The following ATXN1 variants were observed in gnomAD, a reference collection of about 807,000 sequenced individuals.
ATXN1 encodes the protein ataxin-1.
ATXN1 carries 8 observed loss-of-function variants against 56.4 expected under a neutral mutation model. The ratio of observed to expected loss-of-function variants is 0.14; its 90% CI spans 0.08 to 0.26. The LOEUF (loss-of-function observed/expected upper bound fraction) is 0.26, where lower values mean the gene tolerates loss of function less well. Among genes scored for constraint, ATXN1 ranks in the 10% least tolerant of loss-of-function variants. The pLI is 1.00. For synonymous variants in ATXN1, 514 were observed against 494.6 expected, an observed-to-expected ratio of 1.04 and a Z score of -0.52; for missense variants, 987 against 1,106.5, an observed-to-expected ratio of 0.89 and a Z score of 1.53.
chr6:16,317,604 T>C (rs1318569097), intron 7 of ATXN1, among the ~76,000 whole-genome samples: 2 of 152,106 alleles, frequency 1.3e-5, no homozygotes, highest in African/African-American at 4.8e-5. Context: ...GGATTACAGG[T>C]GTGAGCCACC....
chr6:16,572,048 T>C (rs1029216146), intron 4 of ATXN1, among the ~76,000 whole-genome samples: 1 of 152,178 alleles, frequency 6.6e-6, no homozygotes, highest in Admixed American at 6.5e-5. Flanking sequence ...CCATGGCCGG[T>C]TCCTATTCCA....
chr6:16,740,585 T>G (rs1760305111), intron 2 of ATXN1, among the ~76,000 whole-genome samples: 1 of 152,208 alleles, frequency 6.6e-6, no homozygotes, highest in African/African-American at 2.4e-5. Flanking sequence ...GAAATACACC[T>G]CAAAAAGCTC....
At chr6:16,439,575 C>T (rs1224383815) in intron 6 of ATXN1, among the ~76,000 whole-genome samples, 3 of 151,694 alleles carry the variant, frequency 2.0e-5, no homozygotes, top group Non-Finnish European at 4.4e-5. Context: ...GGAAAAGATA[C>T]GTGTATTAAT....
intron 2 of ATXN1, among the ~76,000 whole-genome samples, chr6:16,726,580 C>T (rs1320221629): frequency 6.6e-6 from 1 of 151,880 alleles, no homozygotes; most frequent in Non-Finnish European, 1.5e-5. Flanking sequence ...AGAATAATTT[C>T]TTGGCCGGGC....
intron 2 of ATXN1, among the ~76,000 whole-genome samples, chr6:16,742,655 A>G (rs1269714435): frequency 4.6e-5 from 7 of 152,186 alleles, no homozygotes; most frequent in Non-Finnish European, 4.4e-5. Context: ...AGGCGTCCTC[A>G]CCTACCACCA....
At position 16,344,220 on chromosome 6, in the gene ATXN1, C is replaced by T. The variant is rs1023576783; in HGVS notation, c.-160-15750G>A. On this transcript the variant is annotated intron_variant, in intron 6 of 7. Transcript: ENST00000436367. Reference sequence around the variant, plus strand: ...TCTCATCCACACACCGTTCAGGAACCGTTTCCTCGACTATCCTCCAAGGCT... The same window carrying T: ...TCTCATCCACACACCGTTCAGGAACTGTTTCCTCGACTATCCTCCAAGGCT... Among the ~76,000 whole-genome samples, 11 of 152,180 alleles carry T rather than the reference C, an allele frequency of 7.2e-5. No homozygotes were observed. In the East Asian group the frequency reaches 9.6e-4, roughly 13 times the overall value.
intron 2 of ATXN1, chr6:16,738,423 A>G (rs1561830851): frequency 6.6e-6 from 1 of 152,124 alleles, no homozygotes. Flanking sequence ...AATTGGAAGC[A>G]ACTCAGGGAG....
At chr6:16,726,856 C>T (rs1013597528) in intron 2 of ATXN1, among the ~76,000 whole-genome samples, 2 of 151,854 alleles carry the variant, frequency 1.3e-5, no homozygotes, top group Admixed American at 6.6e-5. Context: ...GAAACTTCAT[C>T]TCAAAAAAAA....
intron 3 of ATXN1, among the ~76,000 whole-genome samples, chr6:16,637,402 G>A (rs1054061619): frequency 2.0e-5 from 3 of 151,576 alleles, no homozygotes; most frequent in Non-Finnish European, 4.4e-5. Context: ...TGTAAATGAT[G>A]AGTTAATGGG....
intron 7 of ATXN1, among the ~76,000 whole-genome samples, chr6:16,324,641 G>C (rs772079777): frequency 1.3e-5 from 2 of 152,158 alleles, no homozygotes; most frequent in African/African-American, 4.8e-5. Context: ...AAGTACGCTC[G>C]ATAGCCAGGA....
At chr6:16,654,938 CT>C (rs1325034861) in intron 3 of ATXN1, among the ~76,000 whole-genome samples, 1 of 152,132 alleles carries the variant, frequency 6.6e-6, no homozygotes, top group East Asian at 1.9e-4. Flanking sequence ...AAAAAAAATG[CT>C]GTTATGAAAC....
At chr6:16,447,722 C>T (rs892568405) in intron 6 of ATXN1, among the ~76,000 whole-genome samples, 1 of 152,124 alleles carries the variant, frequency 6.6e-6, no homozygotes, top group Admixed American at 6.5e-5. Flanking sequence ...ACTTAGTAAG[C>T]ATTACTAAAA....
At chr6:16,536,629 G>A (rs992845198) in intron 4 of ATXN1, among the ~76,000 whole-genome samples, 7 of 152,156 alleles carry the variant, frequency 4.6e-5, no homozygotes, top group African/African-American at 1.7e-4. Flanking sequence ...TTAGGCTTCT[G>A]ATTTCTCCTT....
intron 2 of ATXN1, chr6:16,667,578 A>T (rs1758453309): frequency 6.6e-6 from 1 of 152,212 alleles, no homozygotes; most frequent in African/African-American, 2.4e-5. Context: ...TGGTCTGTAA[A>T]CAAAATTCAA....
intron 3 of ATXN1, among the ~76,000 whole-genome samples, chr6:16,617,386 T>C (rs1394528344): frequency 6.6e-6 from 1 of 151,276 alleles, no homozygotes; most frequent in Non-Finnish European, 1.5e-5. Flanking sequence ...TATGTACACA[T>C]GAAAGAATAA....
intron 3 of ATXN1, among the ~76,000 whole-genome samples, chr6:16,587,803 C>T (rs1304258093): frequency 3.3e-5 from 5 of 151,598 alleles, no homozygotes; most frequent in Non-Finnish European, 7.4e-5. Context: ...TGGTGGTGGG[C>T]GCCTGTAATC....
intron 6 of ATXN1, among the ~76,000 whole-genome samples, chr6:16,443,076 G>A (rs1759551115): frequency 6.6e-6 from 1 of 151,932 alleles, no homozygotes; most frequent in South Asian, 2.1e-4. Flanking sequence ...CAGCTACTTG[G>A]GGGGCTGAGG....
At position 16,306,565 on chromosome 6, in the gene ATXN1, G is replaced by C. The variant is rs767539149; in HGVS notation, c.2212C>G (p.Leu738Val). The change falls in exon 8 of 8, where the codon CTC becomes GTC. Residue 738 changes from leucine to valine, a missense_variant. Leu to Val is a conservative substitution (Grantham distance 32). Coordinates refer to ENST00000436367, the MANE Select transcript of ATXN1 (RefSeq NM_001128164.2). This position sits in a 1 kb window ranked among gnomAD's most constrained non-coding sequence, Gnocchi z 5.2. ...NGINQGSAQMLSENGELKFPE... is the reference protein window; with the variant it reads ...NGINQGSAQMVSENGELKFPE... Reference sequence around the variant, plus strand: ...AACTTCAGTTCGCCATTCTCAGAGAGCATCTGGGCACTCCCCTGGTTGATT... The same window carrying C: ...AACTTCAGTTCGCCATTCTCAGAGACCATCTGGGCACTCCCCTGGTTGATT... 4 of 1,614,110 alleles carry C rather than the reference G, an allele frequency of 2.5e-6. No homozygotes were observed. Among genetic ancestry groups the C allele is most frequent in the Admixed American group, 1.7e-5 (1 of 60,012 alleles).
chr6:16,507,027 G>T (rs560885345), intron 5 of ATXN1, among the ~76,000 whole-genome samples: 7 of 152,260 alleles, frequency 4.6e-5, no homozygotes, highest in African/African-American at 1.7e-4. Flanking sequence ...TGCTTTTTTA[G>T]AACACTGTCC....
Sources: gnomAD v4.1 joint callset for allele counts (sites outside exome capture counted in the v4.1 genomes callset) on GRCh38, gnomAD v4.1.1 for gene constraint, Gnocchi (gnomAD v3.1) non-coding constraint, MANE v1.5 for transcripts, NCBI Gene and HGNC (gene_info 2026-07-23, HGNC 2026-07-21) for gene names.